OR52I2: variants seen among roughly 807,000 people sequenced by gnomAD.
OR52I2 encodes olfactory receptor 52I2.
For missense variants in OR52I2, 350 were observed against 402.4 expected, an observed-to-expected ratio of 0.87 and a Z score of 1.11; for synonymous variants, 147 against 151.9, an observed-to-expected ratio of 0.97 and a Z score of 0.24.
chr11:4,590,775 C>T (rs1032905390), exon 2 of OR52I2: 1 of 152,176 alleles, frequency 6.6e-6, no homozygotes, highest in Non-Finnish European at 1.5e-5. Flanking sequence ...TTCTTTCACT[C>T]TTCACTACCG....
exon 2 of OR52I2, chr11:4,587,690 G>C: frequency 1.9e-6 from 3 of 1,614,200 alleles, no homozygotes; most frequent in Non-Finnish European, 2.5e-6. Flanking sequence ...TATGCGGCCT[G>C]GTTGGGGCAG....
At chr11:4,591,574 T>C (rs1423178202) in exon 2 of OR52I2, 1 of 152,232 alleles carries the variant, frequency 6.6e-6, no homozygotes, top group Non-Finnish European at 1.5e-5. Context: ...TAATATGGTC[T>C]GGTCTACACT....
exon 2 of OR52I2, chr11:4,592,752 A>G (rs1846360929): frequency 6.6e-6 from 1 of 152,232 alleles, no homozygotes; most frequent in Admixed American, 6.5e-5. Flanking sequence ...ATTATATGAT[A>G]TGGTAACACC....
chr11:4,585,831 G>A (rs1846295838), intron 1 of OR52I2, among the ~76,000 whole-genome samples: 1 of 152,196 alleles, frequency 6.6e-6, no homozygotes, highest in African/African-American at 2.4e-5. Flanking sequence ...TACAAACTGT[G>A]TTGTATGGAA....
rs138302486 is a variant in OR52I2, at chr11:4,587,678, T to A, written c.788T>A (p.Ile263Asn). 1.9e-3 allele frequency: 3,135 copies of A among 1,614,202 alleles called. 87 individuals carry two copies. The South Asian group carries it at 0.032, about 16-fold the overall frequency. ...TACTATCTACCTGGGATGGCATCCATCTATGCGGCCTGGTTGGGGCAGGAT... is the reference window on the plus strand; with the variant it reads ...TACTATCTACCTGGGATGGCATCCAACTATGCGGCCTGGTTGGGGCAGGAT... The change falls in exon 2 of 2, where the codon ATC (isoleucine) becomes AAC (asparagine). Residue 263 changes from isoleucine (I) to asparagine (N), a missense_variant. By Grantham distance (149) the Ile-to-Asn change is moderately radical. Transcript: ENST00000641896.
At position 4,582,066 on chromosome 11, in the gene OR52I2, C is replaced by T. The variant is rs555491668; in HGVS notation, c.-20+202C>T. Among the ~76,000 whole-genome samples the T allele has an allele frequency of 1.4e-4, 21 of 152,218 alleles. No homozygotes were observed. In the South Asian group the frequency reaches 2.1e-3, roughly 15 times the overall value. The stretch of plus-strand genomic sequence containing the variant: ...TTGGATGAGGGAGGTGGAGAGGGAA[C>T]GGAAATATGGTTACTTTGCTTCAAA... On this transcript the variant is annotated intron_variant, in intron 1 of 1. Coordinates refer to ENST00000641896, the Ensembl canonical transcript of OR52I2.
intron 1 of OR52I2, among the ~76,000 whole-genome samples, chr11:4,584,518 C>T (rs1336865429): frequency 6.6e-6 from 1 of 152,204 alleles, no homozygotes; most frequent in African/African-American, 2.4e-5. Flanking sequence ...CTTGCCTCCA[C>T]TCCTTAATCT....
At position 4,587,392 on chromosome 11, in the gene OR52I2, A is replaced by G. The variant is rs971881611; in HGVS notation, c.502A>G (p.Ser168Gly). 6.8e-6 allele frequency: 11 copies of G among 1,613,702 alleles called. No homozygotes were observed. The highest frequency in any genetic ancestry group is 9.3e-6 in the Non-Finnish European group (11 of 1,179,986). The change falls in exon 2 of 2, where the codon AGT becomes GGT. Residue 168 changes from serine to glycine, a missense_variant. Ser to Gly is a moderately conservative substitution (Grantham distance 56, BLOSUM62 0). Transcript: ENST00000641896. ...CATAACTCCACTGAGTTGGATGGTGAGTCATCTACCTTTCTGTGGCTCCAA... is the reference window on the plus strand; with the variant it reads ...CATAACTCCACTGAGTTGGATGGTGGGTCATCTACCTTTCTGTGGCTCCAA...
At chr11:4,588,044 T>C (rs1250206580) in exon 2 of OR52I2, 1 of 612,480 alleles carries the variant, frequency 1.6e-6, no homozygotes, top group Non-Finnish European at 2.9e-6. Flanking sequence ...GCTTTCTCAG[T>C]GGATTCAATC....
exon 2 of OR52I2, chr11:4,592,677 A>G (rs556206391): frequency 1.0e-3 from 157 of 152,330 alleles, no homozygotes; most frequent in African/African-American, 3.6e-3. Context: ...GCTATCACAC[A>G]GGAATAGAAT....
chr11:4,591,421 C>A (rs1464507934), exon 2 of OR52I2: 1 of 152,140 alleles, frequency 6.6e-6, no homozygotes, highest in Admixed American at 6.5e-5. Context: ...ATTGCGTGAA[C>A]ACCTAAGAAA....
intron 1 of OR52I2, among the ~76,000 whole-genome samples, chr11:4,583,840 T>G: frequency 6.6e-6 from 1 of 152,238 alleles, no homozygotes; most frequent in African/African-American, 2.4e-5. Flanking sequence ...TCACAGCTGT[T>G]GTTGGCACCT....
At chr11:4,587,961 T>C in exon 2 of OR52I2, 2 of 988,976 alleles carry the variant, frequency 2.0e-6, no homozygotes, top group Admixed American at 2.1e-5. Flanking sequence ...AAGATGAAGG[T>C]GTAAAGGATA....
intron 1 of OR52I2, among the ~76,000 whole-genome samples, chr11:4,585,182 T>A (rs140186479): frequency 6.6e-6 from 1 of 152,198 alleles, no homozygotes; most frequent in Non-Finnish European, 1.5e-5. Context: ...ACCAATACTT[T>A]TCGACTCTTC....
At chr11:4,591,430 AAC>A (rs1385411389) in exon 2 of OR52I2, 5 of 152,198 alleles carry the variant, frequency 3.3e-5, no homozygotes, top group African/African-American at 1.2e-4. Context: ...ACACCTAAGA[AAC>A]AGTTCTTGAG....
At position 4,588,224 on chromosome 11, in the gene OR52I2, A is replaced by G. The variant is rs1055513933; in HGVS notation, c.*359A>G. 11 of 245,544 alleles carry G rather than the reference A, an allele frequency of 4.5e-5. No homozygotes were observed. The Admixed American group carries it at 5.5e-4, about 12-fold the overall frequency. 15.2% of individuals were successfully genotyped at this position (245,544 alleles called of 1,614,324 possible). The stretch of plus-strand genomic sequence containing the variant: ...TGAAAGACAACAAAGACCGCTCACC[A>G]TTCTCTTCATGAACAGCTATGTGTC... On this transcript the variant is annotated 3_prime_UTR_variant, in exon 2 of 2. Coordinates refer to ENST00000641896, the Ensembl canonical transcript of OR52I2.
At chr11:4,583,128 G>T (rs1846272449) in intron 1 of OR52I2, among the ~76,000 whole-genome samples, 1 of 152,132 alleles carries the variant, frequency 6.6e-6, no homozygotes, top group Admixed American at 6.5e-5. Context: ...TCTTAGCCAA[G>T]AAATTTTCAG....
At chr11:4,587,863 T>G in exon 2 of OR52I2, 16 of 1,612,550 alleles carry the variant, frequency 9.9e-6, no homozygotes, top group Non-Finnish European at 1.4e-5. Context: ...CCTGGGTTCA[T>G]GAACACAATA....
exon 2 of OR52I2, chr11:4,592,681 A>C (rs1846360336): frequency 6.6e-6 from 1 of 152,254 alleles, no homozygotes; most frequent in African/African-American, 2.4e-5. Flanking sequence ...TCACACAGGA[A>C]TAGAATGGTA....
Sources: allele counts gnomAD v4.1 joint callset (sites outside exome capture counted in the v4.1 genomes callset), GRCh38; gene constraint gnomAD v4.1.1; transcripts MANE v1.5; gene names NCBI Gene and HGNC (gene_info 2026-07-23, HGNC 2026-07-21).